GSN: variants seen among roughly 807,000 people sequenced by gnomAD.
GSN encodes the protein gelsolin.
Under a neutral mutation model 85.7 loss-of-function variants are expected in GSN, and 56 were observed. The ratio of observed to expected loss-of-function variants is 0.65; its 90% CI spans 0.53 to 0.82. GSN has a LOEUF of 0.82. Ranked by LOEUF, GSN falls within the 40% of genes least tolerant of loss-of-function variation. GSN has a pLI of 0.00. For synonymous variants in GSN, 373 were observed against 399.1 expected (o/e 0.93, Z 0.78); for missense variants, 857 against 979.8 (o/e 0.87, Z 1.67).
intron 1 of GSN, among the ~76,000 whole-genome samples, chr9:121,274,386 A>G (rs2056399712): frequency 6.6e-6 from 1 of 152,218 alleles, no homozygotes; most frequent in African/African-American, 2.4e-5. Context: ...TTTATAAACA[A>G]TACTGCAATG....
chr9:121,282,010 G>A (rs967939187), intron 2 of GSN: 2 of 474,288 alleles, frequency 4.2e-6, no homozygotes, highest in Admixed American at 4.7e-5. Context: ...CAGAGGAGGA[G>A]CACCTGAGGT....
intron 17 of GSN, 34 bp downstream of exon 17, chr9:121,331,482 GGT>G: frequency 2.8e-6 from 3 of 1,074,690 alleles, no homozygotes; most frequent in Non-Finnish European, 4.2e-6. Flanking sequence ...CGGGGGGAGG[GGT>G]CCGTTGCTTG....
In GSN at chr9:121,228,615, G is replaced by C. The variant is rs151021484; in HGVS notation, c.-527-2550G>C. Among the ~76,000 whole-genome samples, 883 of 151,216 alleles carry C rather than the reference G, an allele frequency of 5.8e-3. 10 individuals are homozygous for C. The highest frequency in any genetic ancestry group is 0.02 in the African/African-American group (816 of 41,054). On this transcript the variant is annotated intron_variant, in intron 4 of 24. Coordinates refer to the GSN transcript ENST00000373823. ...TACCCGGATAATTTTTGTAGAGATGGGGTTTCACCATTTTGCCCAGGCTGG... is the reference window on the plus strand; with the variant it reads ...TACCCGGATAATTTTTGTAGAGATGCGGTTTCACCATTTTGCCCAGGCTGG...
At chr9:121,322,940 T>C (rs1338024971) in intron 11 of GSN, among the ~76,000 whole-genome samples, 4 of 151,684 alleles carry the variant, frequency 2.6e-5, no homozygotes, top group African/African-American at 9.7e-5. Flanking sequence ...CAAGCAATTA[T>C]CGTGCCTCAG....
chr9:121,275,861 T>C (rs1171596352), intron 1 of GSN, among the ~76,000 whole-genome samples: 4 of 152,250 alleles, frequency 2.6e-5, no homozygotes. Flanking sequence ...AGACTCCATC[T>C]TTAGGGTTGC....
rs978098710 is a variant in GSN, at chr9:121,244,987, A to G, written c.-388-3289A>G. Among the ~76,000 whole-genome samples, 3 of 152,180 alleles carry G rather than the reference A, an allele frequency of 2.0e-5. No homozygotes were observed. The East Asian group carries it at 5.8e-4, about 29-fold the overall frequency. ...AGCTTCTAAAAAAAAAGTAGATTTA[A>G]CTTTGGAACAATGTAAACATTTTAT... is the stretch of plus-strand genomic sequence containing the variant. On this transcript the variant is annotated intron_variant, in intron 5 of 24. Transcript: ENST00000373823.
intron 6 of GSN, among the ~76,000 whole-genome samples, chr9:121,256,674 TC>T (rs2054968436): frequency 6.6e-6 from 1 of 152,098 alleles, no homozygotes; most frequent in South Asian, 2.1e-4. Context: ...GGTCAGGAGT[TC>T]GAGACCAGTC....
chr9:121,270,588 A>AT (rs1564377361), intron 1 of GSN, among the ~76,000 whole-genome samples: 3 of 151,770 alleles, frequency 2.0e-5, no homozygotes, highest in African/African-American at 4.8e-5. Context: ...CAGCATTGTA[A>AT]CTTTTTTTTC....
At chr9:121,247,870 C>A (rs546196881) in intron 5 of GSN, among the ~76,000 whole-genome samples, 54 of 144,214 alleles carry the variant, frequency 3.7e-4, no homozygotes, top group South Asian at 6.8e-4. Flanking sequence ...CTCACCCCCC[C>A]ACCCCACCAC....
chr9:121,213,061 T>G (rs2053996824), intron 4 of GSN, among the ~76,000 whole-genome samples: 1 of 152,140 alleles, frequency 6.6e-6, no homozygotes, highest in Non-Finnish European at 1.5e-5. Flanking sequence ...ATTTTGAATT[T>G]TACAGGTTTA....
intron 4 of GSN, among the ~76,000 whole-genome samples, chr9:121,227,169 G>A (rs1232971879): frequency 6.6e-6 from 1 of 152,120 alleles, no homozygotes; most frequent in Non-Finnish European, 1.5e-5. Flanking sequence ...CGAGGTGGGC[G>A]GATCATCTGA....
intron 3 of GSN, 55 bp from the exon 4 acceptor site, chr9:121,302,856 A>C (rs1392890623): frequency 6.3e-7 from 1 of 1,584,796 alleles, no homozygotes; most frequent in Non-Finnish European, 8.7e-7. Context: ...CCTCTTCCTC[A>C]GGGGTCTGGG....
At chr9:121,291,579 C>T (rs1002066283) in intron 2 of GSN, among the ~76,000 whole-genome samples, 7 of 151,922 alleles carry the variant, frequency 4.6e-5, no homozygotes, top group Admixed American at 6.6e-5. Flanking sequence ...CCACCATGCC[C>T]GGCTAATTTT....
intron 2 of GSN, among the ~76,000 whole-genome samples, chr9:121,291,184 C>A (rs1427944011): frequency 6.6e-6 from 1 of 152,020 alleles, no homozygotes; most frequent in Non-Finnish European, 1.5e-5. Flanking sequence ...TACAGTATAA[C>A]AACTATGTAA....
intron 5 of GSN, among the ~76,000 whole-genome samples, chr9:121,241,224 G>A (rs1032416461): frequency 3.9e-5 from 6 of 152,188 alleles, no homozygotes; most frequent in Non-Finnish European, 8.8e-5. Context: ...TCTCCTTGGA[G>A]GCGTAAAAGA....
At chr9:121,257,581 T>C (rs1170661161) in intron 6 of GSN, among the ~76,000 whole-genome samples, 2 of 152,168 alleles carry the variant, frequency 1.3e-5, no homozygotes, top group Non-Finnish European at 2.9e-5. Context: ...GTGAGAAAAC[T>C]GAGGCTCACC....
chr9:121,219,884 CT>C (rs773081215), intron 4 of GSN, among the ~76,000 whole-genome samples: 318 of 144,606 alleles, frequency 2.2e-3, no homozygotes, highest in Admixed American at 2.5e-3. Context: ...TTTTTCTTTT[CT>C]TTTTTTTTTT....
chr9:121,313,112 C>G (rs942181389), intron 6 of GSN: 3 of 153,996 alleles, frequency 1.9e-5, no homozygotes, highest in African/African-American at 7.2e-5. Flanking sequence ...GGAGGGCAGT[C>G]TCTTAGCATC....
At chr9:121,282,650 G>C (rs1429884669) in intron 2 of GSN, 13 of 528,750 alleles carry the variant, frequency 2.5e-5, no homozygotes, top group Non-Finnish European at 3.9e-5. Context: ...CCCCATCAGC[G>C]GCTATCCAAA....
Sources: allele counts gnomAD v4.1 joint callset (sites outside exome capture counted in the v4.1 genomes callset), GRCh38; gene constraint gnomAD v4.1.1; transcripts MANE v1.5; gene names NCBI Gene and HGNC (gene_info 2026-07-23, HGNC 2026-07-21).